CEP57: variants seen among roughly 807,000 people sequenced by gnomAD.
CEP57 encodes centrosomal protein of 57 kDa.
A neutral mutation model predicts 68.0 loss-of-function variants in CEP57; 40 were observed. The ratio of observed to expected loss-of-function variants is 0.59; its 90% CI spans 0.46 to 0.77. The LOEUF (loss-of-function observed/expected upper bound fraction) is 0.77, where lower values mean the gene tolerates loss of function less well. Among genes scored for constraint, CEP57 ranks in the 30% least tolerant of loss-of-function variants. CEP57 has a pLI of 0.00. For synonymous variants in CEP57, 219 were observed against 198.7 expected, an observed-to-expected ratio of 1.10 and a Z score of -0.86; for missense variants, 606 against 580.7, an observed-to-expected ratio of 1.04 and a Z score of -0.45.
chr11:95,822,067 C>T (rs941532209), intron 7 of CEP57, 89 bp downstream of exon 7: 19 of 849,566 alleles, frequency 2.2e-5, no homozygotes, highest in South Asian at 1.4e-4. Context: ...TGTACTACAA[C>T]CTTGAGAGAG....
chr11:95,797,414 C>G (rs1565310482), intron 1 of CEP57, among the ~76,000 whole-genome samples: 3 of 152,160 alleles, frequency 2.0e-5, no homozygotes, highest in Admixed American at 6.5e-5. Flanking sequence ...GTGATCCGCC[C>G]AGCTCGGCCT....
intron 4 of CEP57, among the ~76,000 whole-genome samples, chr11:95,814,075 C>A (rs375700693): frequency 3.7e-5 from 3 of 81,464 alleles, no homozygotes; most frequent in Admixed American, 1.2e-4. Flanking sequence ...TTGGATCTCA[C>A]TCTGTCTCAC....
chr11:95,818,492 T>G (rs1233234334), intron 5 of CEP57, among the ~76,000 whole-genome samples: 1 of 152,216 alleles, frequency 6.6e-6, no homozygotes, highest in Non-Finnish European at 1.5e-5. Context: ...GAGCTAATTT[T>G]AGTTTTAATT....
At chr11:95,813,616 A>G (rs1862173895) in intron 4 of CEP57, 27 bp downstream of exon 4, 3 of 1,611,180 alleles carry the variant, frequency 1.9e-6, no homozygotes, top group Non-Finnish European at 2.5e-6. Flanking sequence ...ACAGATTGAT[A>G]CTCAAGAACA....
At position 95,818,856 on chromosome 11, in the gene CEP57, C is replaced by A. The variant is rs200137467; in HGVS notation, c.651C>A (p.Leu217=). Residue 217 remains leucine, a synonymous_variant, in exon 6 of 11, where the codon CTC becomes CTA. Transcript: ENST00000325542. ...AAATGCAAGAGTTGGAAGCAAAACT[C>A]CATGAAGAAGAACAGGAAAGGAAAC... ...EKKMQELEAK[L]HEEEQERKRM... is the part of the protein sequence containing the mutation. 6.2e-7 allele frequency: 1 copy of A among 1,613,954 alleles called. No homozygotes were observed. The highest frequency in any genetic ancestry group is 8.5e-7 in the Non-Finnish European group (1 of 1,179,924).
intron 2 of CEP57, among the ~76,000 whole-genome samples, chr11:95,805,115 A>G (rs1027191021): frequency 1.3e-5 from 2 of 152,252 alleles, no homozygotes; most frequent in Admixed American, 6.5e-5. Flanking sequence ...AGTATCAGCA[A>G]CATTGTGTAC....
chr11:95,832,618 C>T lies in CEP57; in HGVS notation c.*1362C>T, dbSNP rs1211046591. 2 of 152,074 alleles carry T rather than the reference C, an allele frequency of 1.3e-5. No homozygotes were observed. Among genetic ancestry groups the T allele is most frequent in the Non-Finnish European group, 2.9e-5 (2 of 67,996 alleles). The allele number at this position is 152,074 out of a possible 1,614,324, so 9.4% of individuals were successfully genotyped here. ...CATGATAAATATATGTGTCAACCAC[C>T]ATTTCAGCTATTAAAAACTCCTGTT... On this transcript the variant is annotated 3_prime_UTR_variant, in exon 11 of 11. Coordinates refer to ENST00000325542, the MANE Select transcript of CEP57 (RefSeq NM_014679.5).
intron 1 of CEP57, among the ~76,000 whole-genome samples, chr11:95,798,132 G>A (rs1861425405): frequency 6.6e-6 from 1 of 152,080 alleles, no homozygotes; most frequent in Non-Finnish European, 1.5e-5. Context: ...ATTTATTTGA[G>A]TACCACTTTT....
intron 10 of CEP57, among the ~76,000 whole-genome samples, chr11:95,830,462 A>C (rs1218926222): frequency 1.3e-5 from 2 of 152,220 alleles, no homozygotes; most frequent in Non-Finnish European, 2.9e-5. Flanking sequence ...AGTTTGGCTA[A>C]AGTAAAAATA....
chr11:95,827,621 A>G, intron 8 of CEP57, 165 bp from the exon 9 acceptor site: 4 of 771,522 alleles, frequency 5.2e-6, no homozygotes, highest in Non-Finnish European at 8.3e-6. Context: ...TAGTGGATTT[A>G]TATCAAAGGA....
chr11:95,794,601 C>T (rs1443259370), intron 1 of CEP57, among the ~76,000 whole-genome samples: 2 of 151,924 alleles, frequency 1.3e-5, no homozygotes, highest in African/African-American at 4.8e-5. Flanking sequence ...TGTGAAATAC[C>T]TGTTCATGTC....
In CEP57 at chr11:95,793,671, A is replaced by C. The variant is rs370140642; in HGVS notation, c.45+2928A>C. 2.6e-4 allele frequency among the ~76,000 whole-genome samples: 40 copies of C among 152,302 alleles called. 2 individuals are homozygous for C. In the South Asian group the frequency reaches 7.7e-3, roughly 29 times the overall value. On this transcript the variant is annotated intron_variant, in intron 1 of 10. Coordinates refer to ENST00000325542, the MANE Select transcript of CEP57 (RefSeq NM_014679.5). Reference sequence around the variant, plus strand: ...TCCTTAAAGACCCTTTTCATGCATTAACTCATTTAATCCTCACAATAACCT... The same window carrying C: ...TCCTTAAAGACCCTTTTCATGCATTCACTCATTTAATCCTCACAATAACCT...
Position 95,813,495 on chromosome 11 carries a change from A to C in CEP57, c.410A>C (p.Glu137Ala), listed in dbSNP as rs147712450. Residue 137 changes from glutamate to alanine, a missense_variant, in exon 4 of 11, where the codon GAA becomes GCA. Physicochemically the swap from Glu to Ala is moderately radical, Grantham distance 107. Coordinates refer to ENST00000325542, the MANE Select transcript of CEP57 (RefSeq NM_014679.5). Reference protein sequence around the residue: ...QELTSQLLAAENKCNLLEKQL... With the variant: ...QELTSQLLAAANKCNLLEKQL... ...CTGACATCTCAGTTGTTAGCTGCAGAAAATAAATGCAATCTATTAGAAAAA... is the reference window on the plus strand; with the variant it reads ...CTGACATCTCAGTTGTTAGCTGCAGCAAATAAATGCAATCTATTAGAAAAA... 132 of 1,612,742 alleles carry C rather than the reference A, an allele frequency of 8.2e-5. No homozygotes were observed. In the African/African-American group the frequency reaches 1.7e-3, roughly 20 times the overall value.
intron 2 of CEP57, among the ~76,000 whole-genome samples, chr11:95,812,567 C>T (rs940600270): frequency 6.6e-6 from 1 of 151,808 alleles, no homozygotes; most frequent in Admixed American, 6.6e-5. Flanking sequence ...CTCAGCCTCC[C>T]GAGTAGCTGG....
intron 6 of CEP57, among the ~76,000 whole-genome samples, chr11:95,819,880 T>C (rs368928339): frequency 4.8e-4 from 73 of 150,532 alleles, no homozygotes; most frequent in African/African-American, 1.7e-3. Flanking sequence ...TTCTCAAATA[T>C]TTACCTTCTG....
At chr11:95,813,166 A>C in intron 3 of CEP57, 55 bp downstream of exon 3, 1 of 1,529,106 alleles carries the variant, frequency 6.5e-7, no homozygotes, top group Middle Eastern at 2.3e-4. Context: ...TGCAGTATTA[A>C]GTATTCTAAA....
intron 2 of CEP57, among the ~76,000 whole-genome samples, chr11:95,807,821 C>T (rs1861875528): frequency 6.6e-6 from 1 of 152,116 alleles, no homozygotes; most frequent in African/African-American, 2.4e-5. Flanking sequence ...GACAACTTCC[C>T]CAATCTAGGA....
At chr11:95,797,822 T>A (rs563885767) in intron 1 of CEP57, among the ~76,000 whole-genome samples, 1 of 152,332 alleles carries the variant, frequency 6.6e-6, no homozygotes, top group African/African-American at 2.4e-5. Context: ...GTTAATGGGA[T>A]TCCCCTGACT....
chr11:95,807,978 G>GA (rs1474363707), intron 2 of CEP57, among the ~76,000 whole-genome samples: 1 of 152,136 alleles, frequency 6.6e-6, no homozygotes, highest in East Asian at 1.9e-4. Flanking sequence ...AGAAAGGTCA[G>GA]GTTACCTGCA....
Sources: gnomAD v4.1 joint callset for allele counts (sites outside exome capture counted in the v4.1 genomes callset) on GRCh38, gnomAD v4.1.1 for gene constraint, MANE v1.5 for transcripts, NCBI Gene and HGNC (gene_info 2026-07-23, HGNC 2026-07-21) for gene names.